The following CFAP91 variants were observed in gnomAD, a reference collection of about 807,000 sequenced individuals.
The protein encoded by CFAP91 is cilia and flagella associated protein 91, also known as cilia- and flagella-associated protein 91.
Under a neutral mutation model 95.9 loss-of-function variants are expected in CFAP91, and 85 were observed. That is an observed-to-expected ratio of 0.89 (90% CI 0.74 to 1.06). The LOEUF (loss-of-function observed/expected upper bound fraction) is 1.06. Among genes scored for constraint, CFAP91 ranks in the 50% least tolerant of loss-of-function variants. The pLI is 0.00. For missense variants in CFAP91, 962 were observed against 943.4 expected (o/e 1.02, Z -0.26); for synonymous variants, 335 against 327.5 (o/e 1.02, Z -0.25).
At chr3:119,757,273 A>C (rs930831958) in intron 17 of CFAP91, among the ~76,000 whole-genome samples, 4 of 152,240 alleles carry the variant, frequency 2.6e-5, no homozygotes, top group African/African-American at 9.6e-5. Flanking sequence ...GGAGAAATAG[A>C]CAAATCCACA....
In CFAP91 at chr3:119,703,133, C is replaced by A; in HGVS notation, c.35C>A (p.Ala12Asp). The A allele has an allele frequency of 6.3e-7, 1 of 1,577,808 alleles. No homozygotes were observed. Among genetic ancestry groups the A allele is most frequent in the Non-Finnish European group, 8.6e-7 (1 of 1,161,058 alleles). Reference protein sequence around the residue: ...SHAVTIEEPQAQPQVSQTRYR... With the variant: ...SHAVTIEEPQDQPQVSQTRYR... ...GCAGTAACCATCGAGGAGCCCCAGG[C>A]CCAGCCGCAGGTGTCTCAAACTCGG... The change falls in exon 1 of 18, where the codon GCC becomes GAC. Residue 12 changes from alanine to aspartate, a missense_variant. Ala to Asp is a moderately radical substitution (Grantham distance 126, BLOSUM62 -2). Coordinates refer to ENST00000273390, the MANE Select transcript of CFAP91 (RefSeq NM_033364.4).
chr3:119,756,752 A>G (rs919238376), intron 17 of CFAP91, among the ~76,000 whole-genome samples: 2 of 152,194 alleles, frequency 1.3e-5, no homozygotes, highest in African/African-American at 4.8e-5. Flanking sequence ...CTCTGAAAGG[A>G]TAATAAAGAG....
At chr3:119,728,697 G>C (rs760617702) in intron 7 of CFAP91, among the ~76,000 whole-genome samples, 1 of 152,192 alleles carries the variant, frequency 6.6e-6, no homozygotes, top group African/African-American at 2.4e-5. Flanking sequence ...ACATCTTGCT[G>C]TCCCTCCAGT....
intron 17 of CFAP91, among the ~76,000 whole-genome samples, chr3:119,754,290 G>A (rs918807478): frequency 2.6e-5 from 4 of 152,210 alleles, no homozygotes; most frequent in African/African-American, 9.6e-5. Flanking sequence ...ATATTTAGCT[G>A]AGGATATTTC....
In CFAP91 at chr3:119,742,859, A is replaced by G. The variant is rs949548783; in HGVS notation, c.1681-1116A>G. Among the ~76,000 whole-genome samples, 3 of 152,176 alleles carry G rather than the reference A, an allele frequency of 2.0e-5. No homozygotes were observed. In the East Asian group the frequency reaches 5.8e-4, roughly 29 times the overall value. On this transcript the variant is annotated intron_variant, in intron 13 of 17. Coordinates refer to ENST00000273390, the MANE Select transcript of CFAP91 (RefSeq NM_033364.4). The stretch of plus-strand genomic sequence containing the variant: ...TGAGAACTGAGTATTCCCTCCTTTC[A>G]TACAGAAACCAGGAAGGAAGCTGAG...
chr3:119,709,792 A>C (rs1024695146), intron 4 of CFAP91, 47 bp from the exon 5 acceptor site: 2 of 1,365,498 alleles, frequency 1.5e-6, no homozygotes, highest in Non-Finnish European at 2.1e-6. Context: ...CTTAGAGTGC[A>C]TTCATTGCAA....
intron 6 of CFAP91, among the ~76,000 whole-genome samples, chr3:119,725,829 C>A (rs76054018): frequency 0.015 from 2,329 of 152,186 alleles, 42 homozygotes; most frequent in African/African-American, 0.039. Flanking sequence ...ATTTTTCCCA[C>A]CTCAGGGCTC....
intron 7 of CFAP91, among the ~76,000 whole-genome samples, chr3:119,726,865 G>A (rs960636058): frequency 3.5e-5 from 5 of 140,922 alleles, no homozygotes; most frequent in East Asian, 4.2e-4. Context: ...GATGCCTTGC[G>A]TGCTAGCTAG....
At chr3:119,721,226 C>T (rs553752168) in intron 6 of CFAP91, among the ~76,000 whole-genome samples, 37 of 152,250 alleles carry the variant, frequency 2.4e-4, no homozygotes, top group East Asian at 1.3e-3. Context: ...CCATTTTAAC[C>T]GAAAACATAG....
At chr3:119,717,440 C>G (rs2053597533) in intron 6 of CFAP91, among the ~76,000 whole-genome samples, 1 of 152,104 alleles carries the variant, frequency 6.6e-6, no homozygotes, top group Non-Finnish European at 1.5e-5. Context: ...TGAGACAGGC[C>G]TACTCCTACC....
In CFAP91 at chr3:119,749,631, A is replaced by G. The variant is rs577850143; in HGVS notation, c.2144-1306A>G. On this transcript the variant is annotated intron_variant, in intron 16 of 17. Transcript: ENST00000273390. ...TAACGGAATCCAGTGGAACTTATCTATGGGCAAGTTGAATGAGTCCTTAGC... is the reference window on the plus strand; with the variant it reads ...TAACGGAATCCAGTGGAACTTATCTGTGGGCAAGTTGAATGAGTCCTTAGC... Among the ~76,000 whole-genome samples the G allele has an allele frequency of 7.2e-5, 11 of 152,256 alleles. No homozygotes were observed. The East Asian group carries it at 1.2e-3, about 16-fold the overall frequency.
Position 119,747,172 on chromosome 3 carries a change from A to G in CFAP91, c.1960A>G (p.Thr654Ala). 1 of 1,613,850 alleles carries G rather than the reference A, an allele frequency of 6.2e-7. No homozygotes were observed. The highest frequency in any genetic ancestry group is 8.5e-7 in the Non-Finnish European group (1 of 1,179,816). ...CTACCTAGAAGACATAATACTGAAT[A>G]CCGAAGCGAATACTGCAGAAGAACA... ...SSYLEDIILN[T>A]EANTAEEQAR... The change falls in exon 15 of 18, where the codon ACC (threonine) becomes GCC (alanine). Residue 654 changes from threonine (T) to alanine (A), a missense_variant. Transcript: ENST00000273390.
chr3:119,705,265 A>G (rs987606770), intron 1 of CFAP91, among the ~76,000 whole-genome samples: 6 of 152,228 alleles, frequency 3.9e-5, no homozygotes. Context: ...TTGGCTGGCC[A>G]ATGAATTGAC....
rs148960117 is a variant in CFAP91, at chr3:119,747,193, G to C, written c.1981G>C (p.Glu661Gln). ...GAATACCGAAGCGAATACTGCAGAA[G>C]AACAAGCCAGGGCAGAAATAGAGAA... is the stretch of plus-strand genomic sequence containing the variant. ...ILNTEANTAE[E>Q]QARAEIEKMA... The change falls in exon 15 of 18, where the codon GAA becomes CAA. Residue 661 changes from glutamate to glutamine, a missense_variant. Coordinates refer to ENST00000273390, the MANE Select transcript of CFAP91 (RefSeq NM_033364.4). 6 of 1,613,766 alleles carry C rather than the reference G, an allele frequency of 3.7e-6. No homozygotes were observed. Among genetic ancestry groups the C allele is most frequent in the Admixed American group, 1.7e-5 (1 of 59,986 alleles).
intron 6 of CFAP91, among the ~76,000 whole-genome samples, chr3:119,724,907 GCTA>G (rs1241439590): frequency 7.9e-5 from 12 of 151,950 alleles, no homozygotes; most frequent in African/African-American, 2.9e-4. Context: ...ACCACGCCTG[GCTA>G]ACAATACCCT....
At chr3:119,708,802 C>T in intron 4 of CFAP91, 128 bp downstream of exon 4, 2 of 582,402 alleles carry the variant, frequency 3.4e-6, no homozygotes, top group Non-Finnish European at 6.1e-6. Flanking sequence ...GCTTTACATG[C>T]ATATGATCTA....
intron 16 of CFAP91, among the ~76,000 whole-genome samples, chr3:119,749,780 AGAT>A (rs2054292388): frequency 6.6e-6 from 1 of 152,184 alleles, no homozygotes; most frequent in African/African-American, 2.4e-5. Context: ...CCCAAAATTA[AGAT>A]GATAATATAT....
chr3:119,732,616 A>C lies in CFAP91; in HGVS notation c.1201+140A>C, dbSNP rs570099417. 108 of 625,916 alleles carry C rather than the reference A, an allele frequency of 1.7e-4. No homozygotes were observed. The South Asian group carries it at 1.8e-3, about 10-fold the overall frequency. 38.8% of individuals were successfully genotyped at this position (625,916 alleles called of 1,614,324 possible). ...TAAACACTGATGATACAAACCAATA[A>C]AAACTACTAAGACCCAAATAAATAA... is the stretch of plus-strand genomic sequence containing the variant. On this transcript the variant is annotated intron_variant, in intron 9 of 17. Transcript: ENST00000273390.
At chr3:119,707,779 C>T (rs2053398109) in intron 3 of CFAP91, among the ~76,000 whole-genome samples, 1 of 141,596 alleles carries the variant, frequency 7.1e-6, no homozygotes, top group Non-Finnish European at 1.5e-5. Context: ...GACAACTTGC[C>T]ACCAAAGGTA....
Sources: allele counts gnomAD v4.1 joint callset (sites outside exome capture counted in the v4.1 genomes callset), GRCh38; gene constraint gnomAD v4.1.1; transcripts MANE v1.5; gene names NCBI Gene and HGNC (gene_info 2026-07-23, HGNC 2026-07-21).